Variants in PDE11A observed in about 807,000 individuals in gnomAD.
The protein encoded by PDE11A is dual 3',5'-cyclic-AMP and -GMP phosphodiesterase 11A.
Under a neutral mutation model 100.5 loss-of-function variants are expected in PDE11A, and 100 were observed. That is an observed-to-expected ratio of 1.00 (90% CI 0.85 to 1.18). The LOEUF is 1.18. Ranked by LOEUF, PDE11A falls within the 50% of genes most tolerant of loss-of-function variation. PDE11A has a pLI of 0.00. For missense variants in PDE11A, 1,141 were observed against 1,152.6 expected (o/e 0.99, Z 0.15); for synonymous variants, 381 against 420.8 (o/e 0.91, Z 1.16).
intron 15 of PDE11A, among the ~76,000 whole-genome samples, chr2:177,686,017 A>G (rs2080942488): frequency 6.6e-6 from 1 of 152,236 alleles, no homozygotes; most frequent in African/African-American, 2.4e-5. Context: ...TAGACTTCAC[A>G]TCACATTAGC....
intron 9 of PDE11A, among the ~76,000 whole-genome samples, chr2:177,791,678 A>T (rs1455766013): frequency 6.6e-6 from 1 of 152,050 alleles, no homozygotes; most frequent in Non-Finnish European, 1.5e-5. Flanking sequence ...GATAGATATG[A>T]TCTCCAAATA....
At chr2:177,932,152 GAGAT>G (rs1449318878) in intron 2 of PDE11A, among the ~76,000 whole-genome samples, 2 of 152,056 alleles carry the variant, frequency 1.3e-5, no homozygotes, top group African/African-American at 4.8e-5. Flanking sequence ...ATCAATATCT[GAGAT>G]AGAATCAGTA....
chr2:178,007,720 T>A (rs901092059), intron 2 of PDE11A, among the ~76,000 whole-genome samples: 5 of 152,266 alleles, frequency 3.3e-5, no homozygotes, highest in Middle Eastern at 3.4e-3. Flanking sequence ...TTATTTATTT[T>A]TTGAGACAGA....
rs144879131 is a variant in PDE11A at position 177,629,361 on chromosome 2, G to C, written c.*46C>G. ...GGATGACATTGCTGGACTGAAAATG[G>C]CCCTTCAGGCTGTAGTCATTTTGCA... On this transcript the variant is annotated 3_prime_UTR_variant, in exon 20 of 20. Coordinates refer to ENST00000286063, the MANE Select transcript of PDE11A (RefSeq NM_016953.4). 137 of 1,553,122 alleles carry C rather than the reference G, an allele frequency of 8.8e-5. No individual in the cohort carries two copies. In the South Asian group the frequency reaches 1.3e-3, roughly 15 times the overall value.
At chr2:177,748,401 C>T (rs1002114869) in intron 10 of PDE11A, among the ~76,000 whole-genome samples, 9 of 152,136 alleles carry the variant, frequency 5.9e-5, no homozygotes, top group African/African-American at 1.4e-4. Context: ...TGAATCAAGT[C>T]GTATTTCTCT....
intron 9 of PDE11A, among the ~76,000 whole-genome samples, chr2:177,787,705 A>C (rs1193976391): frequency 3.7e-5 from 5 of 133,454 alleles, no homozygotes; most frequent in Middle Eastern, 3.6e-3. Flanking sequence ...TCTACCAAGC[A>C]AATGGAAAAC....
In PDE11A at chr2:178,072,476, C is replaced by G; in HGVS notation, c.-39G>C. ...TTTCCTTGCCTGTTTACACGTGAAC[C>G]AAATGTTTTCCTGCCCCGAGGCCTC... On this transcript the variant is annotated 5_prime_UTR_variant, in exon 1 of 20. Coordinates refer to ENST00000286063, the MANE Select transcript of PDE11A (RefSeq NM_016953.4). 1 of 1,611,204 alleles carries G rather than the reference C, an allele frequency of 6.2e-7. No homozygotes were observed.
At position 177,655,650 on chromosome 2, in the gene PDE11A, C is replaced by T. The variant is rs544968946; in HGVS notation, c.2646+8216G>A. On this transcript the variant is annotated intron_variant, in intron 19 of 19. Transcript: ENST00000286063. ...AACTCCTGGGCTCAAGCAATCCTCCCACCACAGACTCCCAAGTAGCTGAGA... is the reference window on the plus strand; with the variant it reads ...AACTCCTGGGCTCAAGCAATCCTCCTACCACAGACTCCCAAGTAGCTGAGA... Among the ~76,000 whole-genome samples the T allele has an allele frequency of 3.7e-4, 56 of 152,046 alleles. 1 individual carries two copies. Among genetic ancestry groups the T allele is most frequent in the Non-Finnish European group, 6.6e-4 (45 of 68,018 alleles).
chr2:177,760,998 A>G (rs2082160442), intron 10 of PDE11A, among the ~76,000 whole-genome samples: 1 of 152,242 alleles, frequency 6.6e-6, no homozygotes, highest in South Asian at 2.1e-4. Flanking sequence ...AATACAAATA[A>G]CAAAGCATTA....
At chr2:177,686,843 G>A (rs913938781) in intron 15 of PDE11A, 3 of 151,742 alleles carry the variant, frequency 2.0e-5, no homozygotes, top group Middle Eastern at 3.4e-3. Flanking sequence ...AGCCTCCTGA[G>A]TAATTGGGAT....
intron 2 of PDE11A, among the ~76,000 whole-genome samples, chr2:177,999,767 A>G (rs989430598): frequency 2.6e-5 from 4 of 152,228 alleles, no homozygotes; most frequent in African/African-American, 9.6e-5. Context: ...GTGAGGAATC[A>G]TTTTAAATTC....
At chr2:177,984,721 T>G (rs142839186) in intron 2 of PDE11A, among the ~76,000 whole-genome samples, 179 of 152,336 alleles carry the variant, frequency 1.2e-3, no homozygotes, top group Non-Finnish European at 5.3e-4. Flanking sequence ...AAAACCCCCA[T>G]GAGATTAGGA....
At chr2:178,074,263 G>C (rs2087178469), upstream of PDE11A, among the ~76,000 whole-genome samples, 1 of 151,934 alleles carries the variant, frequency 6.6e-6, no homozygotes, top group African/African-American at 2.4e-5. Flanking sequence ...GGGGTGTGGG[G>C]GGTAATAAAA....
intron 2 of PDE11A, among the ~76,000 whole-genome samples, chr2:177,962,523 T>C (rs750636853): frequency 6.6e-6 from 1 of 152,130 alleles, no homozygotes; most frequent in Non-Finnish European, 1.5e-5. Flanking sequence ...CATGAGATTC[T>C]GGATTTTAAA....
chr2:177,994,498 G>A (rs561106398), intron 2 of PDE11A, among the ~76,000 whole-genome samples: 2 of 152,332 alleles, frequency 1.3e-5, no homozygotes, highest in South Asian at 4.1e-4. Context: ...GGATAATTGT[G>A]AAGGATCACC....
chr2:177,640,893 C>T (rs1201786991), intron 19 of PDE11A, among the ~76,000 whole-genome samples: 1 of 152,212 alleles, frequency 6.6e-6, no homozygotes, highest in African/African-American at 2.4e-5. Context: ...TGACATCTTC[C>T]TCTTCCCCTT....
At chr2:178,107,334 G>C (rs958502934) in intron 1 of PDE11A, among the ~76,000 whole-genome samples, 9 of 151,140 alleles carry the variant, frequency 6.0e-5, no homozygotes, top group African/African-American at 2.2e-4. Context: ...AATTCATTTT[G>C]TCCTATAATC....
At chr2:178,051,237 T>G (rs2086822824) in intron 1 of PDE11A, among the ~76,000 whole-genome samples, 1 of 152,188 alleles carries the variant, frequency 6.6e-6, no homozygotes, top group South Asian at 2.1e-4. Flanking sequence ...CAACCCAGAA[T>G]TTCATATCCA....
intron 4 of PDE11A, among the ~76,000 whole-genome samples, chr2:177,895,467 T>C (rs2084596962): frequency 6.6e-6 from 1 of 151,856 alleles, no homozygotes; most frequent in African/African-American, 2.4e-5. Flanking sequence ...GGCAGGAGAA[T>C]TGCTTGAACC....
Sources: allele counts gnomAD v4.1 joint callset (sites outside exome capture counted in the v4.1 genomes callset), GRCh38; gene constraint gnomAD v4.1.1; transcripts MANE v1.5; gene names NCBI Gene and HGNC (gene_info 2026-07-23, HGNC 2026-07-21).